The following NF1 variants were observed in gnomAD, a reference collection of about 807,000 sequenced individuals.
NF1 encodes the protein neurofibromin 1.
NF1 carries 122 observed loss-of-function variants against 325.7 expected under a neutral mutation model. The observed-to-expected ratio is 0.37, with a 90% CI of 0.32 to 0.44. NF1 has a LOEUF of 0.44. NF1 is among the 20% of genes least tolerant of loss of function. NF1 has a pLI of 1.00. For missense variants in NF1, 2,140 were observed against 3,415.4 expected, an observed-to-expected ratio of 0.63 and a Z score of 9.31; for synonymous variants, 1,091 against 1,186.0, an observed-to-expected ratio of 0.92 and a Z score of 1.65.
intron 39 of NF1, chr17:31,334,609 A>G: frequency 2.0e-6 from 1 of 507,716 alleles, no homozygotes. Flanking sequence ...GGAGGAAAAT[A>G]AGACAAAACT....
chr17:31,345,676 T>G, intron 48 of NF1: 1 of 1,614,266 alleles, frequency 6.2e-7, no homozygotes, highest in Non-Finnish European at 8.5e-7. Context: ...GTTGGTGAGA[T>G]GGCAAAGCAG....
chr17:31,356,351 C>A (rs2070270389), intron 51 of NF1, 109 bp from the exon 52 acceptor site: 1 of 1,116,122 alleles, frequency 9.0e-7, no homozygotes, highest in Non-Finnish European at 1.3e-6. Context: ...TTCTTTGAGT[C>A]CTCAGTGAAA....
Position 31,375,344 on chromosome 17 carries a change from T to G in NF1, c.*1189T>G. On this transcript the variant is annotated 3_prime_UTR_variant, in exon 58 of 58. Transcript: ENST00000358273. ...GTAGGTTATATATGCTAGAATTGCA[T>G]TTAATCACTGTGAAAAGACTGGTCA... is the stretch of plus-strand genomic sequence containing the variant. 4.3e-6 allele frequency: 1 copy of G among 230,536 alleles called. No homozygotes were observed. The highest frequency in any genetic ancestry group is 8.6e-6 in the Non-Finnish European group (1 of 116,098). The allele number at this position is 230,536 out of a possible 1,614,324, so 14.3% of individuals were successfully genotyped here. A position where few individuals can be genotyped will look rare whatever the true frequency, so the allele number is the denominator to read the frequency against.
chr17:31,367,105 C>T (rs971146169), intron 57 of NF1: 1 of 385,408 alleles, frequency 2.6e-6, no homozygotes, highest in African/African-American at 2.2e-5. Flanking sequence ...ATAATTAAAA[C>T]CAGATTCCTT....
chr17:31,350,632 C>T (rs950799034), intron 50 of NF1, among the ~76,000 whole-genome samples: 9 of 152,048 alleles, frequency 5.9e-5, no homozygotes, highest in Middle Eastern at 3.4e-3. Context: ...AAAACTAACG[C>T]GAAATATAAA....
At chr17:31,123,352 C>G (rs1914599258) in intron 1 of NF1, among the ~76,000 whole-genome samples, 1 of 152,170 alleles carries the variant, frequency 6.6e-6, no homozygotes, top group Non-Finnish European at 1.5e-5. Context: ...AATCTTCATT[C>G]TCAATCTTTC....
At chr17:31,126,532 G>T (rs1914903038) in intron 1 of NF1, among the ~76,000 whole-genome samples, 1 of 151,764 alleles carries the variant, frequency 6.6e-6, no homozygotes, top group Non-Finnish European at 1.5e-5. Context: ...TGCAACCTTT[G>T]CTAGGCTCAA....
chr17:31,209,117 C>G (rs2143931073), intron 12 of NF1, among the ~76,000 whole-genome samples: 1 of 152,064 alleles, frequency 6.6e-6, no homozygotes, highest in South Asian at 2.1e-4. Flanking sequence ...CCAATATTCC[C>G]TTTACCCCCC....
At chr17:31,136,391 C>T (rs1915784917) in intron 1 of NF1, 1 of 151,348 alleles carries the variant, frequency 6.6e-6, no homozygotes, top group South Asian at 2.1e-4. Flanking sequence ...CCCACAACCA[C>T]TTATCAGCAG....
Position 31,111,539 on chromosome 17 carries a change from C to T in NF1, c.60+16170C>T, listed in dbSNP as rs552126385. 3.3e-5 allele frequency among the ~76,000 whole-genome samples: 5 copies of T among 152,172 alleles called. No homozygotes were observed. In the South Asian group the frequency reaches 8.3e-4, roughly 25 times the overall value. Reference sequence around the variant, plus strand: ...AAAAAAGGCACTGTGTTCAAAGGAACGATATAATACAACTGATGGCTGACT... The same window carrying T: ...AAAAAAGGCACTGTGTTCAAAGGAATGATATAATACAACTGATGGCTGACT... On this transcript the variant is annotated intron_variant, in intron 1 of 57. Transcript: ENST00000358273.
chr17:31,371,188 AT>A (rs554846257), intron 57 of NF1, among the ~76,000 whole-genome samples: 3 of 152,166 alleles, frequency 2.0e-5, no homozygotes, highest in Non-Finnish European at 4.4e-5. Flanking sequence ...TATTGAAAAA[AT>A]AACTAGATTT....
intron 8 of NF1, among the ~76,000 whole-genome samples, chr17:31,191,022 TTAAA>T (rs2066333330): frequency 6.6e-6 from 1 of 152,210 alleles, no homozygotes; most frequent in Admixed American, 6.5e-5. Context: ...GTTGTACACC[TTAAA>T]TATATACAAT....
rs1555538546 is a variant in NF1, at chr17:31,374,116, T to C, written c.8481T>C (p.Ala2827=). 2 of 1,614,120 alleles carry C rather than the reference T, an allele frequency of 1.2e-6. No individual in the cohort carries two copies. Among genetic ancestry groups the C allele is most frequent in the African/African-American group, 1.3e-5 (1 of 75,052 alleles). Reference sequence around the variant, plus strand: ...GCCAAGTGCAGAAGCAAAGAAGCGCTGGCAGTTTCAAACGTAATAGCATTA... The same window carrying C: ...GCCAAGTGCAGAAGCAAAGAAGCGCCGGCAGTTTCAAACGTAATAGCATTA... The part of the protein sequence containing the change: ...SASQVQKQRS[A]GSFKRNSIKK... Residue 2827 remains alanine, a synonymous_variant, in exon 58 of 58, where the codon GCT becomes GCC. Coordinates refer to ENST00000358273, the MANE Select transcript of NF1 (RefSeq NM_001042492.3).
At chr17:31,202,870 G>A (rs1310580398) in intron 11 of NF1, among the ~76,000 whole-genome samples, 1 of 152,082 alleles carries the variant, frequency 6.6e-6, no homozygotes, top group Non-Finnish European at 1.5e-5. Flanking sequence ...TTACTTTCAA[G>A]GCCATTAAAA....
At chr17:31,201,291 A>G (rs2066524530) in intron 10 of NF1, 120 bp from the exon 11 acceptor site, 1 of 1,477,092 alleles carries the variant, frequency 6.8e-7, no homozygotes, top group Non-Finnish European at 9.3e-7. Flanking sequence ...TCGTTTCAAG[A>G]CCTTAAAAAC....
chr17:31,125,607 A>G (rs4795575), intron 1 of NF1, among the ~76,000 whole-genome samples: 83,887 of 151,468 alleles, frequency 0.55, 26,376 homozygotes, highest in Middle Eastern at 0.76. Flanking sequence ...CACGATCTGG[A>G]CTCACTGCAA....
intron 29 of NF1, among the ~76,000 whole-genome samples, chr17:31,243,482 C>G (rs531325385): frequency 1.3e-5 from 2 of 152,100 alleles, no homozygotes; most frequent in East Asian, 3.9e-4. Context: ...ACCTAGTGCT[C>G]TATTCTGCTG....
intron 36 of NF1, among the ~76,000 whole-genome samples, chr17:31,271,341 T>A (rs2067890840): frequency 6.7e-6 from 1 of 149,554 alleles, no homozygotes; most frequent in Non-Finnish European, 1.5e-5. Context: ...GCACCTTTTC[T>A]TAGCGAAATG....
chr17:31,100,736 A>G (rs1414251652), intron 1 of NF1, among the ~76,000 whole-genome samples: 3 of 151,878 alleles, frequency 2.0e-5, no homozygotes, highest in South Asian at 4.2e-4. Context: ...CGCCCAGCTA[A>G]TTTTGTATTT....
Sources: gnomAD v4.1 joint callset for allele counts (sites outside exome capture counted in the v4.1 genomes callset) on GRCh38, gnomAD v4.1.1 for gene constraint, MANE v1.5 for transcripts, NCBI Gene and HGNC (gene_info 2026-07-23, HGNC 2026-07-21) for gene names.